USP34: variants seen among roughly 807,000 people sequenced by gnomAD.
USP34 encodes the protein ubiquitin specific peptidase 34, also known as ubiquitin carboxyl-terminal hydrolase 34.
USP34 carries 70 observed loss-of-function variants against 460.3 expected under a neutral mutation model. The observed-to-expected ratio is 0.15, with a 90% CI of 0.13 to 0.19. The LOEUF (loss-of-function observed/expected upper bound fraction) is 0.19, where lower values mean the gene tolerates loss of function less well. USP34 is among the 10% of genes least tolerant of loss of function. The pLI, the probability that USP34 is intolerant of heterozygous loss-of-function variation, is 1.00. For synonymous variants in USP34, 1,647 were observed against 1,405.3 expected (o/e 1.17, Z -3.85); for missense variants, 3,985 against 4,236.2 (o/e 0.94, Z 1.65).
At chr2:61,435,454 T>TAAA (rs372905001) in intron 1 of USP34, among the ~76,000 whole-genome samples, 12 of 142,528 alleles carry the variant, frequency 8.4e-5, no homozygotes, top group African/African-American at 3.1e-4. Flanking sequence ...GTTAAAGTAC[T>TAAA]AAAAAAAAAA....
chr2:61,204,842 T>C (rs1687071614), intron 72 of USP34, among the ~76,000 whole-genome samples: 1 of 152,160 alleles, frequency 6.6e-6, no homozygotes, highest in African/African-American at 2.4e-5. Flanking sequence ...TGGTATTTTG[T>C]TTTAAGTATG....
At position 61,266,204 on chromosome 2, in the gene USP34, A is replaced by AT. The variant is rs1434640031; in HGVS notation, c.5434-38dup. 1.9e-6 allele frequency: 3 copies of AT among 1,558,716 alleles called. No individual in the cohort carries two copies. In the Admixed American group the frequency reaches 5.2e-5, roughly 27 times the overall value. ...AAGGAAACATGTTATCTAAACTGAG[A>AT]TATTAATTACATTCCAAATATAGTT... On this transcript the variant is annotated intron_variant, in intron 41 of 79. Transcript: ENST00000398571.
chr2:61,411,783 A>G lies in USP34; in HGVS notation c.132-5655T>C, dbSNP rs140123774. ...CCAACATCTGAGATGCCCTGACCACAGAGGCCTTCAAATTCACTTTTTAGT... is the reference window on the plus strand; with the variant it reads ...CCAACATCTGAGATGCCCTGACCACGGAGGCCTTCAAATTCACTTTTTAGT... On this transcript the variant is annotated intron_variant, in intron 2 of 79. Coordinates refer to ENST00000398571, the MANE Select transcript of USP34 (RefSeq NM_014709.4). Among the ~76,000 whole-genome samples, 887 of 152,358 alleles carry G rather than the reference A, an allele frequency of 5.8e-3. 5 individuals are homozygous for G. The highest frequency in any genetic ancestry group is 0.021 in the African/African-American group (861 of 41,586).
chr2:61,368,510 T>C (rs1039931447), intron 10 of USP34, among the ~76,000 whole-genome samples: 3 of 151,934 alleles, frequency 2.0e-5, no homozygotes, highest in Non-Finnish European at 4.4e-5. Flanking sequence ...GACTATAAGT[T>C]TACCAATCCC....
chr2:61,332,940 G>C (rs78200545), intron 19 of USP34, among the ~76,000 whole-genome samples: 1 of 151,974 alleles, frequency 6.6e-6, no homozygotes, highest in Non-Finnish European at 1.5e-5. Context: ...AGACTTCCAA[G>C]AACTATAAAA....
intron 18 of USP34, among the ~76,000 whole-genome samples, chr2:61,335,277 T>G (rs2103740547): frequency 6.6e-6 from 1 of 152,324 alleles, no homozygotes; most frequent in African/African-American, 2.4e-5. Context: ...CTTATCAACT[T>G]TTTTGCCCAA....
At chr2:61,265,239 T>A (rs1215857499) in intron 43 of USP34, 158 bp downstream of exon 43, 1 of 778,402 alleles carries the variant, frequency 1.3e-6, no homozygotes, top group East Asian at 2.7e-5. Context: ...CTAAAATGTA[T>A]AACTATGTAA....
chr2:61,385,335 A>G (rs2103875311), intron 5 of USP34, among the ~76,000 whole-genome samples: 1 of 152,294 alleles, frequency 6.6e-6, no homozygotes, highest in East Asian at 1.9e-4. Flanking sequence ...TGCAGAACTT[A>G]TGAAACTCAT....
At chr2:61,241,713 A>G in intron 52 of USP34, 53 bp downstream of exon 52, 1 of 1,508,788 alleles carries the variant, frequency 6.6e-7, no homozygotes, top group Non-Finnish European at 9.0e-7. Context: ...CTCTAAAAGT[A>G]GACAATGCAG....
intron 61 of USP34, among the ~76,000 whole-genome samples, chr2:61,227,889 G>T (rs1165101725): frequency 7.3e-6 from 1 of 137,780 alleles, no homozygotes; most frequent in African/African-American, 2.6e-5. Context: ...AAAAATGCCA[G>T]TTATACAAAA....
At chr2:61,467,613 C>G (rs1695812426) in intron 1 of USP34, among the ~76,000 whole-genome samples, 2 of 96,306 alleles carry the variant, frequency 2.1e-5, no homozygotes, top group South Asian at 7.4e-4. Flanking sequence ...AGGACTGTAA[C>G]TTTGTTTTTT....
intron 10 of USP34, among the ~76,000 whole-genome samples, chr2:61,352,174 T>G (rs950047633): frequency 6.6e-6 from 1 of 152,172 alleles, no homozygotes; most frequent in East Asian, 1.9e-4. Flanking sequence ...ATCTCAAACT[T>G]TGTAGCAGTT....
At chr2:61,310,566 T>C (rs1690558450) in intron 27 of USP34, among the ~76,000 whole-genome samples, 1 of 151,026 alleles carries the variant, frequency 6.6e-6, no homozygotes, top group Non-Finnish European at 1.5e-5. Flanking sequence ...TATATGTATA[T>C]ATATTCTTAC....
intron 10 of USP34, among the ~76,000 whole-genome samples, chr2:61,361,893 A>G (rs943458399): frequency 6.6e-5 from 10 of 152,154 alleles, no homozygotes; most frequent in African/African-American, 2.2e-4. Context: ...ATGGAATAAA[A>G]TATTTACAAA....
intron 1 of USP34, among the ~76,000 whole-genome samples, chr2:61,432,414 C>T (rs1694704899): frequency 6.6e-6 from 1 of 152,096 alleles, no homozygotes; most frequent in African/African-American, 2.4e-5. Flanking sequence ...GAGGTCAAGG[C>T]TGCAGTGAAC....
rs1692938276 is a variant in USP34, at chr2:61,380,507, T to TA, written c.822-147dup. ...TCTGGTTTTCCTCTCAGGCCCTGCC[T>TA]AATCTCTTTGGCAGATTCCTTCTCT... On this transcript the variant is annotated intron_variant, in intron 6 of 79. Transcript: ENST00000398571. 4 of 761,212 alleles carry TA rather than the reference T, an allele frequency of 5.3e-6. No homozygotes were observed. In the South Asian group the frequency reaches 8.4e-5, roughly 16 times the overall value. 47.2% of individuals were successfully genotyped at this position (761,212 alleles called of 1,614,324 possible).
chr2:61,235,536 G>C (rs932776957), intron 57 of USP34, among the ~76,000 whole-genome samples: 1 of 151,886 alleles, frequency 6.6e-6, no homozygotes, highest in Non-Finnish European at 1.5e-5. Flanking sequence ...ACGTTGGCCA[G>C]GATGGGCTCG....
chr2:61,278,533 CAAT>C (rs756748722), intron 39 of USP34, 90 bp from the exon 40 acceptor site: 30 of 1,037,634 alleles, frequency 2.9e-5, no homozygotes, highest in African/African-American at 6.5e-5. Flanking sequence ...TTATAGGTAA[CAAT>C]AATTTAGTTC....
At chr2:61,243,854 G>C (rs1688346844) in intron 51 of USP34, among the ~76,000 whole-genome samples, 1 of 150,308 alleles carries the variant, frequency 6.7e-6, no homozygotes, top group Non-Finnish European at 1.5e-5. Context: ...TGGTGACAGA[G>C]TGAGACTGTC....
Sources: gnomAD v4.1 joint callset for allele counts (sites outside exome capture counted in the v4.1 genomes callset) on GRCh38, gnomAD v4.1.1 for gene constraint, MANE v1.5 for transcripts, NCBI Gene and HGNC (gene_info 2026-07-23, HGNC 2026-07-21) for gene names.